Variants in CNTN4 observed in about 807,000 individuals in gnomAD.
CNTN4 encodes contactin-4.
In CNTN4, 77 loss-of-function variants were observed where a neutral mutation model predicts 122.5. The observed-to-expected ratio is 0.63, with a 90% confidence interval of 0.52 to 0.76. The LOEUF (loss-of-function observed/expected upper bound fraction) is 0.76, where lower values mean the gene tolerates loss of function less well. CNTN4 is among the 30% of genes least tolerant of loss of function. The pLI, the probability that CNTN4 is intolerant of heterozygous loss-of-function variation, is 0.00. For synonymous variants in CNTN4, 512 were observed against 447.0 expected (o/e 1.15, Z -1.83); for missense variants, 1,256 against 1,259.1 (o/e 1.00, Z 0.04).
chr3:2,703,464 T>A (rs2086471946), intron 4 of CNTN4, among the ~76,000 whole-genome samples: 1 of 152,168 alleles, frequency 6.6e-6, no homozygotes, highest in Non-Finnish European at 1.5e-5. Flanking sequence ...ATTATTCTTT[T>A]TTAACTTAAA....
rs564595991 is a variant in CNTN4 at position 2,853,728 on chromosome 3, C to G, written c.455-13024C>G. On this transcript the variant is annotated intron_variant, in intron 7 of 24. Coordinates refer to ENST00000418658, the MANE Select transcript of CNTN4 (RefSeq NM_175607.3). ...CATGAGCATGGACACTTTGCGCTCG[C>G]TCTCTGTTTTGGCGTCTTGAAACCA... Among the ~76,000 whole-genome samples the G allele has an allele frequency of 4.6e-5, 7 of 152,314 alleles. 1 individual carries two copies. The South Asian group carries it at 1.5e-3, about 32-fold the overall frequency.
chr3:2,373,811 T>C (rs1395650007), intron 3 of CNTN4, among the ~76,000 whole-genome samples: 2 of 152,320 alleles, frequency 1.3e-5, no homozygotes, highest in African/African-American at 2.4e-5. Context: ...AAAGGCTCTT[T>C]AAAGGTCAAC....
chr3:2,722,731 G>A (rs2087939751), intron 4 of CNTN4, among the ~76,000 whole-genome samples: 1 of 152,190 alleles, frequency 6.6e-6, no homozygotes, highest in African/African-American at 2.4e-5. Context: ...CAGTGTGCAT[G>A]CCACTTTACC....
chr3:2,943,626 A>ATT (rs1466738837), intron 13 of CNTN4, among the ~76,000 whole-genome samples: 29 of 58,538 alleles, frequency 5.0e-4, no homozygotes, highest in African/African-American at 1.7e-3. Flanking sequence ...ATATATATAT[A>ATT]TATATTTTTT....
intron 3 of CNTN4, among the ~76,000 whole-genome samples, chr3:2,480,813 T>C (rs1458199157): frequency 1.3e-5 from 2 of 152,134 alleles, no homozygotes; most frequent in East Asian, 1.9e-4. Context: ...AAGAACAAAG[T>C]AGTCAATTGA....
At chr3:2,665,510 A>T (rs2084109128) in intron 4 of CNTN4, among the ~76,000 whole-genome samples, 1 of 152,192 alleles carries the variant, frequency 6.6e-6, no homozygotes, top group African/African-American at 2.4e-5. Context: ...TGACATAGAG[A>T]AATTGAGATT....
At chr3:2,548,417 T>C (rs2078337517) in intron 3 of CNTN4, among the ~76,000 whole-genome samples, 1 of 152,164 alleles carries the variant, frequency 6.6e-6, no homozygotes, top group African/African-American at 2.4e-5. Flanking sequence ...CCCAATACCA[T>C]TTATTAAATA....
chr3:2,816,018 C>T (rs2092718726), intron 6 of CNTN4, among the ~76,000 whole-genome samples: 1 of 151,914 alleles, frequency 6.6e-6, no homozygotes, highest in African/African-American at 2.4e-5. Context: ...TATGTTCTCA[C>T]TGATATGTGG....
At chr3:2,189,270 A>T (rs1445662194) in intron 2 of CNTN4, among the ~76,000 whole-genome samples, 2 of 152,164 alleles carry the variant, frequency 1.3e-5, no homozygotes, top group Non-Finnish European at 2.9e-5. Context: ...CTCTTGATGT[A>T]AAACACAATG....
chr3:2,721,257 C>A (rs888129556), intron 4 of CNTN4, among the ~76,000 whole-genome samples: 5 of 152,176 alleles, frequency 3.3e-5, no homozygotes, highest in Non-Finnish European at 7.3e-5. Context: ...CAGACGTGAG[C>A]CACCACGCCC....
intron 2 of CNTN4, among the ~76,000 whole-genome samples, chr3:2,219,282 A>G (rs2038969661): frequency 6.6e-6 from 1 of 152,238 alleles, no homozygotes; most frequent in Admixed American, 6.5e-5. Context: ...CTCCAAAGAA[A>G]TACATACATA....
At chr3:2,940,636 G>A (rs1234555422) in intron 13 of CNTN4, among the ~76,000 whole-genome samples, 1 of 152,116 alleles carries the variant, frequency 6.6e-6, no homozygotes, top group African/African-American at 2.4e-5. Context: ...GGAGAGAGCA[G>A]AAGAATGGAC....
At chr3:2,442,389 C>A (rs1035060787) in intron 3 of CNTN4, among the ~76,000 whole-genome samples, 1 of 151,910 alleles carries the variant, frequency 6.6e-6, no homozygotes, top group Non-Finnish European at 1.5e-5. Flanking sequence ...TGAGTTATTC[C>A]AAAGTGTGAA....
intron 16 of CNTN4, among the ~76,000 whole-genome samples, chr3:3,031,675 T>C (rs1699179330): frequency 6.6e-6 from 1 of 152,172 alleles, no homozygotes; most frequent in Non-Finnish European, 1.5e-5. Flanking sequence ...TTAAGAAATA[T>C]TTTTAAATGA....
At chr3:2,160,774 G>A (rs368278569) in intron 2 of CNTN4, among the ~76,000 whole-genome samples, 1 of 152,062 alleles carries the variant, frequency 6.6e-6, no homozygotes, top group Non-Finnish European at 1.5e-5. Context: ...GAATGTATAC[G>A]GTGCGTATTA....
chr3:2,946,661 C>CA lies in CNTN4; in HGVS notation c.1358+20887dup, dbSNP rs558491998. On this transcript the variant is annotated intron_variant, in intron 13 of 24. Transcript: ENST00000418658. ...ATAATCCAGACTTCGGACATCTCTT[C>CA]AAAAACTGAAGGATCTGCAACAGAC... Among the ~76,000 whole-genome samples, 46 of 148,832 alleles carry CA rather than the reference C, an allele frequency of 3.1e-4. No individual in the cohort carries two copies. In the South Asian group the frequency reaches 9.7e-3, roughly 31 times the overall value.
chr3:2,331,143 G>A (rs548992534), intron 2 of CNTN4, among the ~76,000 whole-genome samples: 6 of 152,332 alleles, frequency 3.9e-5, no homozygotes, highest in Non-Finnish European at 7.4e-5. Context: ...GGGAAGGACA[G>A]AATTGTATTT....
At chr3:2,827,823 C>G (rs2093019837) in intron 7 of CNTN4, among the ~76,000 whole-genome samples, 1 of 152,100 alleles carries the variant, frequency 6.6e-6, no homozygotes, top group Admixed American at 6.5e-5. Context: ...TAGGCGGATG[C>G]AGGACTTTAA....
chr3:2,493,852 T>G (rs2076382047), intron 3 of CNTN4, among the ~76,000 whole-genome samples: 1 of 152,094 alleles, frequency 6.6e-6, no homozygotes, highest in South Asian at 2.1e-4. Context: ...GTTCCTTCTT[T>G]TTGCTGCCTG....
Sources: gnomAD v4.1 joint callset for allele counts (sites outside exome capture counted in the v4.1 genomes callset) on GRCh38, gnomAD v4.1.1 for gene constraint, MANE v1.5 for transcripts, NCBI Gene and HGNC (gene_info 2026-07-23, HGNC 2026-07-21) for gene names.